ARHGAP26: variants seen among roughly 807,000 people sequenced by gnomAD.
ARHGAP26 encodes the protein rho GTPase-activating protein 26.
A neutral mutation model predicts 104.8 loss-of-function variants in ARHGAP26; 38 were observed. The observed-to-expected ratio is 0.36, with a 90% confidence interval of 0.28 to 0.48. The LOEUF is 0.48. Among genes scored for constraint, ARHGAP26 ranks in the 20% least tolerant of loss-of-function variants. ARHGAP26 has a pLI of 0.99. For missense variants in ARHGAP26, 704 were observed against 947.9 expected, an observed-to-expected ratio of 0.74 and a Z score of 3.38; for synonymous variants, 341 against 340.0, an observed-to-expected ratio of 1.00 and a Z score of -0.03.
At chr5:143,177,067 C>T (rs990992728) in intron 20 of ARHGAP26, among the ~76,000 whole-genome samples, 1 of 152,192 alleles carries the variant, frequency 6.6e-6, no homozygotes, top group Non-Finnish European at 1.5e-5. Context: ...GGGACCATAC[C>T]TCTTCATTTG....
In ARHGAP26 at chr5:142,911,304, C is replaced by G. The variant is rs182353841; in HGVS notation, c.934-1895C>G. Among the ~76,000 whole-genome samples the G allele has an allele frequency of 4.9e-3, 748 of 152,296 alleles. 4 individuals are homozygous for G. Among genetic ancestry groups the G allele is most frequent in the African/African-American group, 0.017 (703 of 41,562 alleles). ...GTCACTCCTCAAAGTCTTCTTCTTT[C>G]TACTTTCCCTCACTCTGGGCTTCTA... On this transcript the variant is annotated intron_variant, in intron 9 of 22. Transcript: ENST00000645722.
intron 17 of ARHGAP26, among the ~76,000 whole-genome samples, chr5:143,092,957 A>T (rs1791679633): frequency 6.6e-6 from 1 of 152,208 alleles, no homozygotes; most frequent in South Asian, 2.1e-4. Context: ...GGGAGGAACC[A>T]TCTATCGTCC....
intron 11 of ARHGAP26, among the ~76,000 whole-genome samples, chr5:142,972,785 A>G (rs1236025530): frequency 1.3e-5 from 2 of 151,922 alleles, no homozygotes; most frequent in South Asian, 2.1e-4. Flanking sequence ...TTTGACCTCT[A>G]CACCTCATCA....
intron 5 of ARHGAP26, among the ~76,000 whole-genome samples, chr5:142,890,745 T>C (rs943200632): frequency 1.3e-5 from 2 of 152,138 alleles, no homozygotes. Flanking sequence ...CGGGACACTT[T>C]CCAGTTTTCA....
chr5:142,954,184 A>G (rs190045746), intron 11 of ARHGAP26, among the ~76,000 whole-genome samples: 2 of 152,316 alleles, frequency 1.3e-5, no homozygotes, highest in African/African-American at 4.8e-5. Context: ...AGATCTGTTT[A>G]TCTCATTCTT....
chr5:142,786,654 ATTTTT>A (rs70991779), intron 1 of ARHGAP26, among the ~76,000 whole-genome samples: 1 of 104,446 alleles, frequency 9.6e-6, no homozygotes, highest in Non-Finnish European at 2.0e-5. Context: ...GAGTTCTAGA[ATTTTT>A]TTTTTTTTTT....
chr5:143,065,010 T>C (rs1257705468), intron 17 of ARHGAP26, among the ~76,000 whole-genome samples: 1 of 152,200 alleles, frequency 6.6e-6, no homozygotes, highest in Non-Finnish European at 1.5e-5. Context: ...TCAATAAATT[T>C]CCTGTTTTCT....
intron 1 of ARHGAP26, among the ~76,000 whole-genome samples, chr5:142,801,160 G>A (rs1049756544): frequency 6.6e-5 from 10 of 152,116 alleles, no homozygotes; most frequent in African/African-American, 2.4e-4. Context: ...CATTTTTTCT[G>A]GGCATAGCTT....
chr5:142,902,105 C>T (rs764600067), intron 7 of ARHGAP26, 66 bp downstream of exon 7: 30 of 1,393,726 alleles, frequency 2.2e-5, no homozygotes, highest in Non-Finnish European at 2.9e-5. Flanking sequence ...GGCCTGATTG[C>T]CCTAGAAACC....
chr5:143,129,088 T>C (rs1372800711), intron 18 of ARHGAP26, among the ~76,000 whole-genome samples: 2 of 152,188 alleles, frequency 1.3e-5, no homozygotes, highest in Admixed American at 1.3e-4. Context: ...AATGTCAAGA[T>C]GGGCCAGAGG....
intron 11 of ARHGAP26, among the ~76,000 whole-genome samples, chr5:142,988,484 G>A (rs6884972): frequency 0.26 from 38,991 of 151,558 alleles, 5,379 homozygotes; most frequent in East Asian, 0.47. Context: ...TTGTGTCTCT[G>A]TCTCCTCCAG....
chr5:142,985,560 G>T (rs565713826), intron 11 of ARHGAP26, among the ~76,000 whole-genome samples: 5 of 151,538 alleles, frequency 3.3e-5, no homozygotes, highest in African/African-American at 1.2e-4. Flanking sequence ...CAACGTGCAG[G>T]TTTGTTACAT....
chr5:143,087,310 A>T (rs1213581093), intron 17 of ARHGAP26, among the ~76,000 whole-genome samples: 1 of 152,182 alleles, frequency 6.6e-6, no homozygotes, highest in African/African-American at 2.4e-5. Context: ...TGGTTCTTTC[A>T]TTGGAATTAA....
At chr5:143,053,685 T>C (rs1001910624) in intron 14 of ARHGAP26, among the ~76,000 whole-genome samples, 3 of 152,242 alleles carry the variant, frequency 2.0e-5, no homozygotes, top group Admixed American at 6.5e-5. Flanking sequence ...AGAGCTGATA[T>C]GGTGGTTCTC....
intron 17 of ARHGAP26, chr5:143,103,222 A>G (rs1316205121): frequency 1.0e-6 from 1 of 985,004 alleles, no homozygotes; most frequent in Admixed American, 6.2e-5. Context: ...AAGTCACTGG[A>G]TCAGTAGACA....
At chr5:143,183,937 T>G (rs1469380984) in intron 20 of ARHGAP26, among the ~76,000 whole-genome samples, 3 of 152,318 alleles carry the variant, frequency 2.0e-5, no homozygotes, top group Non-Finnish European at 4.4e-5. Context: ...TTTTAAAGAT[T>G]GATGCTCCTG....
At chr5:142,840,007 G>A (rs1202220437) in intron 1 of ARHGAP26, among the ~76,000 whole-genome samples, 5 of 152,134 alleles carry the variant, frequency 3.3e-5, no homozygotes, top group South Asian at 2.1e-4. Flanking sequence ...GTCCAGCTAG[G>A]TTCAAGGGAA....
At chr5:143,075,789 C>T (rs894787934) in intron 17 of ARHGAP26, among the ~76,000 whole-genome samples, 2 of 152,074 alleles carry the variant, frequency 1.3e-5, no homozygotes, top group African/African-American at 4.8e-5. Context: ...ACCTCTGCCT[C>T]CCGGGCTCCA....
chr5:143,187,962 T>C (rs999151478), intron 20 of ARHGAP26, among the ~76,000 whole-genome samples: 15 of 152,290 alleles, frequency 9.8e-5, no homozygotes, highest in Middle Eastern at 3.4e-3. Context: ...AACCCAAAAA[T>C]GGAAAATGAG....
Sources: gnomAD v4.1 joint callset for allele counts (sites outside exome capture counted in the v4.1 genomes callset) on GRCh38, gnomAD v4.1.1 for gene constraint, MANE v1.5 for transcripts, NCBI Gene and HGNC (gene_info 2026-07-23, HGNC 2026-07-21) for gene names.